Variants in ARHGAP1 observed in about 807,000 individuals in gnomAD.
The protein encoded by ARHGAP1 is Rho GTPase activating protein 1.
In ARHGAP1, 23 loss-of-function variants were observed where a neutral mutation model predicts 52.2. The observed-to-expected ratio is 0.44, with a 90% CI of 0.32 to 0.62. The LOEUF (loss-of-function observed/expected upper bound fraction) is 0.62. ARHGAP1 is among the 20% of genes least tolerant of loss of function. The pLI, the probability that ARHGAP1 is intolerant of heterozygous loss-of-function variation, is 0.05. For missense variants in ARHGAP1, 480 were observed against 560.9 expected (o/e 0.86, Z 1.46); for synonymous variants, 210 against 228.4 (o/e 0.92, Z 0.73).
chr11:46,691,783 T>C (rs2064616969), intron 3 of ARHGAP1, among the ~76,000 whole-genome samples: 1 of 152,130 alleles, frequency 6.6e-6, no homozygotes, highest in Non-Finnish European at 1.5e-5. Flanking sequence ...AGACAGGGTT[T>C]CACCATGTTA....
chr11:46,697,822 T>C (rs989078999), intron 1 of ARHGAP1, among the ~76,000 whole-genome samples: 2 of 152,160 alleles, frequency 1.3e-5, no homozygotes, highest in African/African-American at 2.4e-5. Context: ...CTCTGAGTGA[T>C]GCCAAAGCCC....
At chr11:46,687,584 TGA>T (rs1448417845) in intron 4 of ARHGAP1, 1 of 152,392 alleles carries the variant, frequency 6.6e-6, no homozygotes, top group Non-Finnish European at 1.5e-5. Context: ...CAGCAGGAAG[TGA>T]GTTTGCTCGC....
In ARHGAP1 at chr11:46,696,082, T is replaced by A; in HGVS notation, c.26A>T (p.Asp9Val). ...GCTGGTGTCATCCAAGGTCAGATCA[T>A]CCTGCAGCTCTGAGAGCGGATCCAT... is the stretch of plus-strand genomic sequence containing the variant. MDPLSELQDDLTLDDTSEA... is the reference protein window; with the variant it reads MDPLSELQVDLTLDDTSEA... The change falls in exon 2 of 13, where the codon GAT (aspartate) becomes GTT (valine). Residue 9 changes from aspartate (D) to valine (V), a missense_variant. Asp to Val is a radical substitution (Grantham distance 152, BLOSUM62 -3). Transcript: ENST00000311956. This position sits in a 1 kb window ranked among gnomAD's most constrained non-coding sequence, Gnocchi z 4.8. 1 of 1,608,956 alleles carries A rather than the reference T, an allele frequency of 6.2e-7. No individual in the cohort carries two copies.
Position 46,695,480 on chromosome 11 carries a change from T to C in ARHGAP1, c.229+180A>G, listed in dbSNP as rs1432344371. Reference sequence around the variant, plus strand: ...GAAATTAGAGTTCAAAGAGCAGAGCTGGAGATCAAACCCAGGGCTTTCTGA... The same window carrying C: ...GAAATTAGAGTTCAAAGAGCAGAGCCGGAGATCAAACCCAGGGCTTTCTGA... On this transcript the variant is annotated intron_variant, in intron 3 of 12. Coordinates refer to ENST00000311956, the MANE Select transcript of ARHGAP1 (RefSeq NM_004308.5). The C allele has an allele frequency of 7.0e-6, 5 of 709,566 alleles. No homozygotes were observed. In the Admixed American group the frequency reaches 1.0e-4, roughly 14 times the overall value. The allele number at this position is 709,566 out of a possible 1,614,324, so 44.0% of individuals were successfully genotyped here. A position where few individuals can be genotyped will look rare whatever the true frequency, so the allele number is the denominator to read the frequency against.
chr11:46,696,012 GTTC>G lies in ARHGAP1; in HGVS notation c.93_95del (p.Lys31del), dbSNP rs979490615. On this transcript the variant is annotated inframe_deletion, in exon 2 of 13. Transcript: ENST00000311956. This position sits in a 1 kb window ranked among gnomAD's most constrained non-coding sequence, Gnocchi z 4.8. ...AGTCAGGCATTTCATCCGAGGGCCAGTTCTTCTCATCGATGGAGGCCAGCTTCA... is the reference window on the plus strand; with the variant it reads ...AGTCAGGCATTTCATCCGAGGGCCAGTTCTCATCGATGGAGGCCAGCTTCA... 4 of 1,614,104 alleles carry G rather than the reference GTTC, an allele frequency of 2.5e-6. No individual in the cohort carries two copies. Among genetic ancestry groups the G allele is most frequent in the African/African-American group, 1.3e-5 (1 of 74,942 alleles).
rs577599757 is a variant in ARHGAP1, at chr11:46,677,665, G to A, written c.*1372C>T. The A allele has an allele frequency of 2.6e-4, 66 of 249,698 alleles. No individual in the cohort carries two copies. The highest frequency in any genetic ancestry group is 1.5e-3 in the African/African-American group (65 of 42,300). The allele number at this position is 249,698 out of a possible 1,614,324, so 15.5% of individuals were successfully genotyped here. On this transcript the variant is annotated 3_prime_UTR_variant, in exon 13 of 13. Transcript: ENST00000311956. ...GGCCGAGGTTCTTTGAAAGACAACA[G>A]GGCTGGCCGGGTGCAGTGGCTCACG...
chr11:46,682,615 CG>C (rs1484835574), intron 4 of ARHGAP1, among the ~76,000 whole-genome samples: 1 of 152,130 alleles, frequency 6.6e-6, no homozygotes, highest in African/African-American at 2.4e-5. Flanking sequence ...ACCCAGGAGG[CG>C]GAGGTTTCAG....
chr11:46,684,155 G>A (rs900511380), intron 4 of ARHGAP1, among the ~76,000 whole-genome samples: 6 of 152,226 alleles, frequency 3.9e-5, no homozygotes, highest in Non-Finnish European at 7.3e-5. Flanking sequence ...AGGCAGGCAT[G>A]GGGTGGCTGA....
At chr11:46,693,058 TAG>T (rs1241336547) in intron 3 of ARHGAP1, among the ~76,000 whole-genome samples, 1 of 152,114 alleles carries the variant, frequency 6.6e-6, no homozygotes, top group African/African-American at 2.4e-5. Context: ...TTCACTGTGT[TAG>T]CCAGGATGGT....
Position 46,681,566 on chromosome 11 carries a change from T to C in ARHGAP1, c.450-187A>G. 2 of 552,898 alleles carry C rather than the reference T, an allele frequency of 3.6e-6. No individual in the cohort carries two copies. Among genetic ancestry groups the C allele is most frequent in the South Asian group, 4.1e-5 (2 of 49,352 alleles). 34.2% of individuals were successfully genotyped at this position (552,898 alleles called of 1,614,324 possible). On this transcript the variant is annotated intron_variant, in intron 5 of 12. Transcript: ENST00000311956. This position sits in a 1 kb window ranked among gnomAD's most constrained non-coding sequence, Gnocchi z 5.7. ...CTCCTGCCTCAGCCTCCTGAGTAAC[T>C]AGGATTACAGGCACCCACCACCACA... is the stretch of plus-strand genomic sequence containing the variant.
intron 3 of ARHGAP1, among the ~76,000 whole-genome samples, chr11:46,691,166 A>G (rs2064611864): frequency 6.6e-6 from 1 of 152,190 alleles, no homozygotes; most frequent in African/African-American, 2.4e-5. Context: ...TGGCACCTAC[A>G]GTCTCCAGTA....
In ARHGAP1 at chr11:46,678,628, A is replaced by T. The variant is rs1182981014; in HGVS notation, c.*409T>A. 1.4e-5 allele frequency: 3 copies of T among 208,628 alleles called. No homozygotes were observed. Among genetic ancestry groups the T allele is most frequent in the Non-Finnish European group, 2.9e-5 (3 of 102,020 alleles). 12.9% of individuals were successfully genotyped at this position (208,628 alleles called of 1,614,324 possible). On this transcript the variant is annotated 3_prime_UTR_variant, in exon 13 of 13. Coordinates refer to ENST00000311956, the MANE Select transcript of ARHGAP1 (RefSeq NM_004308.5). ...GGGCGGTGTCCACACCAAAGAGCTC[A>T]GCTGCTCATTCCCAGCAATCAAGAG...
Position 46,679,306 on chromosome 11 carries a change from GA to G in ARHGAP1, c.1131+58del. On this transcript the variant is annotated intron_variant, in intron 12 of 12. Coordinates refer to ENST00000311956, the MANE Select transcript of ARHGAP1 (RefSeq NM_004308.5). This position sits in a 1 kb window ranked among gnomAD's most constrained non-coding sequence, Gnocchi z 4.4. ...CAGCAACAATGACCAGGGCGCAGAG[GA>G]GGCGGCAGCTCCTCCTTCCCCCTCC... 3.7e-6 allele frequency: 6 copies of G among 1,605,996 alleles called. No individual in the cohort carries two copies. The highest frequency in any genetic ancestry group is 5.1e-6 in the Non-Finnish European group (6 of 1,173,870).
intron 2 of ARHGAP1, 106 bp from the exon 3 acceptor site, chr11:46,695,861 C>A (rs1380198501): frequency 6.9e-6 from 11 of 1,595,464 alleles, no homozygotes; most frequent in Non-Finnish European, 9.4e-6. Flanking sequence ...ATGCTCCCAG[C>A]CCAAACCTGG....
At chr11:46,699,961 G>A (rs2064688622) in intron 1 of ARHGAP1, among the ~76,000 whole-genome samples, 1 of 151,884 alleles carries the variant, frequency 6.6e-6, no homozygotes, top group African/African-American at 2.4e-5. Context: ...CACGAGGTCA[G>A]GAGTTCGAGA....
intron 3 of ARHGAP1, among the ~76,000 whole-genome samples, chr11:46,694,897 T>A (rs1265177892): frequency 6.6e-6 from 1 of 152,210 alleles, no homozygotes; most frequent in East Asian, 1.9e-4. Flanking sequence ...CAGGTTCTCC[T>A]TGCCCACGCC....
At chr11:46,685,628 T>G (rs936850117) in intron 4 of ARHGAP1, among the ~76,000 whole-genome samples, 3 of 150,454 alleles carry the variant, frequency 2.0e-5, no homozygotes, top group Non-Finnish European at 4.4e-5. Flanking sequence ...CCAGGTCATA[T>G]GTTCTTACCT....
chr11:46,699,434 G>T (rs549866052), intron 1 of ARHGAP1, among the ~76,000 whole-genome samples: 22 of 152,300 alleles, frequency 1.4e-4, no homozygotes, highest in Non-Finnish European at 2.4e-4. Context: ...GCCGGGCACG[G>T]TGGTTCACGG....
In ARHGAP1 at chr11:46,680,359, GTTCTA is replaced by G; in HGVS notation, c.821-82_821-78del. 6.3e-7 allele frequency: 1 copy of G among 1,585,048 alleles called. No homozygotes were observed. Among genetic ancestry groups the G allele is most frequent in the Non-Finnish European group, 8.7e-7 (1 of 1,154,690 alleles). The stretch of plus-strand genomic sequence containing the variant: ...TTCCCTGCCCCTTCTCTGTCTTGGG[GTTCTA>G]GGCAGGGCTGGGTGGGGACGTTGAG... On this transcript the variant is annotated intron_variant, in intron 9 of 12. Coordinates refer to ENST00000311956, the MANE Select transcript of ARHGAP1 (RefSeq NM_004308.5). This position sits in a 1 kb window ranked among gnomAD's most constrained non-coding sequence, Gnocchi z 5.9.
Sources: allele counts gnomAD v4.1 joint callset (sites outside exome capture counted in the v4.1 genomes callset), GRCh38; gene constraint gnomAD v4.1.1; non-coding constraint Gnocchi (gnomAD v3.1); transcripts MANE v1.5; gene names NCBI Gene and HGNC (gene_info 2026-07-23, HGNC 2026-07-21).